NDUFAF7: variants seen among roughly 807,000 people sequenced by gnomAD.
NDUFAF7 encodes protein arginine methyltransferase NDUFAF7, mitochondrial.
NDUFAF7 carries 48 observed loss-of-function variants against 47.2 expected under a neutral mutation model. That is an observed-to-expected ratio of 1.02 (90% confidence interval 0.81 to 1.29). NDUFAF7 has a LOEUF of 1.29. Among genes scored for constraint, NDUFAF7 ranks in the 50% most tolerant of loss-of-function variants. The pLI, the probability that NDUFAF7 is intolerant of heterozygous loss-of-function variation, is 0.00. For synonymous variants in NDUFAF7, 217 were observed against 190.0 expected (o/e 1.14, Z -1.17); for missense variants, 635 against 537.6 (o/e 1.18, Z -1.79).
intron 3 of NDUFAF7, among the ~76,000 whole-genome samples, chr2:37,236,889 G>A (rs1665845674): frequency 6.6e-6 from 1 of 152,034 alleles, no homozygotes. Context: ...AAGATAAAGA[G>A]CATTGAAGAA....
downstream of NDUFAF7, chr2:37,253,325 C>G (rs1251873275): frequency 6.2e-7 from 1 of 1,612,528 alleles, no homozygotes; most frequent in African/African-American, 1.3e-5. Context: ...TTCAAATTCT[C>G]TAAGGTCAAG....
downstream of NDUFAF7, among the ~76,000 whole-genome samples, chr2:37,253,632 T>TA (rs1215808099): frequency 6.6e-6 from 1 of 152,198 alleles, no homozygotes; most frequent in East Asian, 1.9e-4. Flanking sequence ...TAATAATCAC[T>TA]AAAACATTTT....
At chr2:37,257,789 TATTAAAG>T (rs201081982), downstream of NDUFAF7, among the ~76,000 whole-genome samples, 620 of 152,020 alleles carry the variant, frequency 4.1e-3, 6 homozygotes, top group African/African-American at 0.014. Flanking sequence ...AACTGAGGTG[TATTAAAG>T]GTAATTTTAA....
chr2:37,242,468 G>A (rs1666449083), intron 5 of NDUFAF7, 167 bp from the exon 6 acceptor site: 1 of 562,944 alleles, frequency 1.8e-6, no homozygotes, highest in African/African-American at 1.9e-5. Flanking sequence ...AATAAGAATA[G>A]TAATAATTGT....
chr2:37,252,847 T>TTA (rs58356461), downstream of NDUFAF7: 1,755 of 145,002 alleles, frequency 0.012, 31 homozygotes, highest in African/African-American at 0.039. Context: ...ATATTTATAT[T>TTA]TATATATATA....
chr2:37,253,326 T>C, downstream of NDUFAF7: 1 of 1,612,644 alleles, frequency 6.2e-7, no homozygotes. Flanking sequence ...TCAAATTCTC[T>C]AAGGTCAAGC....
At chr2:37,235,216 G>C (rs1665628532) in intron 2 of NDUFAF7, among the ~76,000 whole-genome samples, 1 of 151,678 alleles carries the variant, frequency 6.6e-6, no homozygotes, top group Non-Finnish European at 1.5e-5. Context: ...AGAAGGGTGA[G>C]GATTTGCAGT....
At chr2:37,234,067 T>G (rs1050927733) in intron 2 of NDUFAF7, among the ~76,000 whole-genome samples, 2 of 152,110 alleles carry the variant, frequency 1.3e-5, no homozygotes, top group African/African-American at 4.8e-5. Flanking sequence ...AATTATTGGG[T>G]CTTTGGCTTG....
chr2:37,260,263 C>G, the NDUFAF7 span: 1 of 1,611,956 alleles, frequency 6.2e-7, no homozygotes, highest in South Asian at 1.1e-5. Flanking sequence ...TGGAAGCCGA[C>G]TTTTCTCACT....
intron 3 of NDUFAF7, among the ~76,000 whole-genome samples, chr2:37,237,144 A>G (rs1427367642): frequency 6.6e-6 from 1 of 151,758 alleles, no homozygotes; most frequent in African/African-American, 2.4e-5. Flanking sequence ...CTAATTTTGT[A>G]TTTTTAGTAG....
chr2:37,242,469 T>G, intron 5 of NDUFAF7, 166 bp from the exon 6 acceptor site: 1 of 566,870 alleles, frequency 1.8e-6, no homozygotes, highest in Non-Finnish European at 3.2e-6. Context: ...ATAAGAATAG[T>G]AATAATTGTT....
the NDUFAF7 span, among the ~76,000 whole-genome samples, chr2:37,270,808 A>G: frequency 6.6e-6 from 1 of 152,208 alleles, no homozygotes; most frequent in South Asian, 2.1e-4. Context: ...GAGGCATCCA[A>G]TGCATATATA....
chr2:37,268,244 A>G, the NDUFAF7 span: 1 of 458,924 alleles, frequency 2.2e-6, no homozygotes, highest in Admixed American at 2.5e-5. Flanking sequence ...CACAATCGTA[A>G]GTCTACTTGA....
chr2:37,261,140 T>G, the NDUFAF7 span, among the ~76,000 whole-genome samples: 3 of 152,220 alleles, frequency 2.0e-5, no homozygotes, highest in African/African-American at 7.2e-5. Context: ...AATTTAATCT[T>G]AAATATGTTC....
Position 37,236,079 on chromosome 2 carries a change from T to G in NDUFAF7, c.217-17T>G. On this transcript the variant is annotated splice_polypyrimidine_tract_variant and intron_variant, in intron 2 of 9. Coordinates refer to ENST00000002125, the MANE Select transcript of NDUFAF7 (RefSeq NM_144736.5). The stretch of plus-strand genomic sequence containing the variant: ...TTGAAAATTAATTTTGTTTCTCTAT[T>G]TTCTCTTTTTACTCAGGGTTATTAT... The G allele has an allele frequency of 6.3e-7, 1 of 1,596,506 alleles. No individual in the cohort carries two copies. Among genetic ancestry groups the G allele is most frequent in the Non-Finnish European group, 8.6e-7 (1 of 1,164,062 alleles).
intron 6 of NDUFAF7, among the ~76,000 whole-genome samples, chr2:37,243,033 C>T (rs1666514900): frequency 6.6e-6 from 1 of 152,112 alleles, no homozygotes; most frequent in Admixed American, 6.6e-5. Context: ...TGCTATGTTG[C>T]CCAGGCTGGT....
chr2:37,251,668 C>T (rs1292936545), downstream of NDUFAF7: 3 of 151,202 alleles, frequency 2.0e-5, no homozygotes, highest in African/African-American at 7.3e-5. Context: ...TTAACACTTT[C>T]CTAGTTTTTA....
chr2:37,237,672 G>A, intron 3 of NDUFAF7, 85 bp from the exon 4 acceptor site: 1 of 1,054,898 alleles, frequency 9.5e-7, no homozygotes, highest in African/African-American at 1.6e-5. Flanking sequence ...GGCATATAGT[G>A]CATATTTATG....
downstream of NDUFAF7, among the ~76,000 whole-genome samples, chr2:37,250,261 T>G (rs1009573220): frequency 3.9e-5 from 6 of 152,270 alleles, no homozygotes; most frequent in African/African-American, 1.4e-4. Flanking sequence ...AAGACTTGGT[T>G]GGGAGAATTT....
Sources: gnomAD v4.1 joint callset for allele counts (sites outside exome capture counted in the v4.1 genomes callset) on GRCh38, gnomAD v4.1.1 for gene constraint, MANE v1.5 for transcripts, NCBI Gene and HGNC (gene_info 2026-07-23, HGNC 2026-07-21) for gene names.